Variants in COL16A1 observed in about 807,000 individuals in gnomAD.
COL16A1 encodes collagen alpha-1(XVI) chain.
In COL16A1, 189 loss-of-function variants were observed where a neutral mutation model predicts 266.3. The observed-to-expected ratio is 0.71, with a 90% CI of 0.63 to 0.80. COL16A1 has a LOEUF of 0.80. Ranked by LOEUF, COL16A1 falls within the 30% of genes least tolerant of loss-of-function variation. The pLI, the probability that COL16A1 is intolerant of heterozygous loss-of-function variation, is 0.00. For missense variants in COL16A1, 1,928 were observed against 2,122.4 expected, an observed-to-expected ratio of 0.91 and a Z score of 1.80; for synonymous variants, 740 against 782.3, an observed-to-expected ratio of 0.95 and a Z score of 0.90.
In COL16A1 at chr1:31,692,043, C is replaced by A. The variant is rs200545130; in HGVS notation, c.1219G>T (p.Gly407Ter). 1 of 1,613,748 alleles carries A rather than the reference C, an allele frequency of 6.2e-7. No individual in the cohort carries two copies. Among genetic ancestry groups the A allele is most frequent in the East Asian group, 2.2e-5 (1 of 44,888 alleles). ...EKGQKGEKGD[G>*]GIKGVPGKPG... is the part of the protein sequence containing the mutation. ...TTTCCCGGCACGCCCTTGATGCCTC[C>A]GTCGCCCTTCTCGCCTTTCTGGCCC... The change falls in exon 17 of 71, where the codon GGA becomes TGA. Residue 407 changes from glycine (G) to a stop codon, truncating the protein, a stop_gained. Transcript: ENST00000373672. LOFTEE classifies it high-confidence loss of function.
chr1:31,671,924 G>A (rs1483129997), intron 47 of COL16A1, among the ~76,000 whole-genome samples: 1 of 152,214 alleles, frequency 6.6e-6, no homozygotes, highest in African/African-American at 2.4e-5. Flanking sequence ...AAAAACCCCT[G>A]CCTCAAAGCA....
intron 42 of COL16A1, 138 bp from the exon 43 acceptor site, chr1:31,675,449 T>A (rs1025235968): frequency 7.6e-7 from 1 of 1,317,600 alleles, no homozygotes; most frequent in Admixed American, 2.0e-5. Context: ...AAGGCTGACA[T>A]CTATTCTTAG....
rs534502467 is a variant in COL16A1, at chr1:31,685,878, T to C, written c.1885-108A>G. On this transcript the variant is annotated intron_variant, in intron 28 of 70. Coordinates refer to ENST00000373672, the MANE Select transcript of COL16A1 (RefSeq NM_001856.4). The surrounding 1 kb of genome is among the most constrained non-coding windows in gnomAD (Gnocchi z 4.0). ...GTCACTGGGTCTGACACTGCACCTCTGCTGGGTGAGGGGTTATCTTGGGAA... is the reference window on the plus strand; with the variant it reads ...GTCACTGGGTCTGACACTGCACCTCCGCTGGGTGAGGGGTTATCTTGGGAA... The C allele has an allele frequency of 1.3e-6, 2 of 1,547,466 alleles. No individual in the cohort carries two copies. The highest frequency in any genetic ancestry group is 2.4e-5 in the South Asian group (2 of 82,384).
chr1:31,656,481 A>G lies in COL16A1; in HGVS notation c.4057-37T>C, dbSNP rs1371407342. ...CAAAAGTCAGAGGTGAAGTCCGGGC[A>G]GCATCTCTGAGGCTCCCTGGGGAGG... On this transcript the variant is annotated intron_variant, in intron 65 of 70. Transcript: ENST00000373672. The surrounding 1 kb of genome is among the most constrained non-coding windows in gnomAD (Gnocchi z 4.2). The G allele has an allele frequency of 6.2e-7, 1 of 1,606,860 alleles. No homozygotes were observed.
At chr1:31,692,332 G>T (rs1402465560) in intron 16 of COL16A1, 142 bp downstream of exon 16, 1 of 1,365,070 alleles carries the variant, frequency 7.3e-7, no homozygotes, top group Non-Finnish European at 9.9e-7. Context: ...TGACTGGGGT[G>T]GGGGAGATGG....
At chr1:31,675,683 A>G (rs1336586912) in intron 42 of COL16A1, among the ~76,000 whole-genome samples, 1 of 151,464 alleles carries the variant, frequency 6.6e-6, no homozygotes, top group African/African-American at 2.4e-5. Flanking sequence ...TTCTTTGTAG[A>G]GACGGGGTCT....
Position 31,685,607 on chromosome 1 carries a change from G to T in COL16A1, c.2016+32C>A. ...CTCCTTAGCCCCGCCTGCATCCCCCGTCCAGAGGCCCCTGCCTATATCCCA... is the reference window on the plus strand; with the variant it reads ...CTCCTTAGCCCCGCCTGCATCCCCCTTCCAGAGGCCCCTGCCTATATCCCA... On this transcript the variant is annotated intron_variant, in intron 29 of 70. Coordinates refer to ENST00000373672, the MANE Select transcript of COL16A1 (RefSeq NM_001856.4). The surrounding 1 kb of genome is among the most constrained non-coding windows in gnomAD (Gnocchi z 4.0). 1.4e-6 allele frequency: 2 copies of T among 1,386,610 alleles called. No homozygotes were observed. The highest frequency in any genetic ancestry group is 1.9e-6 in the Non-Finnish European group (2 of 1,037,878). 85.9% of individuals were successfully genotyped at this position (1,386,610 alleles called of 1,614,324 possible).
chr1:31,656,361 G>T lies in COL16A1; in HGVS notation c.4101+39C>A, dbSNP rs377423535. ...ACTTGCAGCTGGGCTTCATCCACTCGTGAGCTTCTCCTCTCAAGCCCAGCC... is the reference window on the plus strand; with the variant it reads ...ACTTGCAGCTGGGCTTCATCCACTCTTGAGCTTCTCCTCTCAAGCCCAGCC... On this transcript the variant is annotated intron_variant, in intron 66 of 70. Transcript: ENST00000373672. This position sits in a 1 kb window ranked among gnomAD's most constrained non-coding sequence, Gnocchi z 4.2. 4.0e-4 allele frequency: 648 copies of T among 1,610,752 alleles called. 7 individuals are homozygous for T. The South Asian group carries it at 6.9e-3, about 17-fold the overall frequency.
chr1:31,682,908 C>A (rs1326107477), intron 37 of COL16A1, 26 bp downstream of exon 37: 1 of 1,613,372 alleles, frequency 6.2e-7, no homozygotes, highest in Admixed American at 1.7e-5. Flanking sequence ...GCAACACCAC[C>A]AGCATGGAGC....
chr1:31,678,844 A>C (rs554188685), intron 42 of COL16A1, among the ~76,000 whole-genome samples: 2 of 152,306 alleles, frequency 1.3e-5, no homozygotes, highest in African/African-American at 4.8e-5. Flanking sequence ...CCGGGATTCA[A>C]GTTCAGGCTG....
Position 31,696,965 on chromosome 1 carries a change from C to T in COL16A1, c.862G>A (p.Glu288Lys), listed in dbSNP as rs1644529891. Residue 288 changes from glutamate (E) to lysine (K), a missense_variant and splice_region_variant, in exon 8 of 71, where the codon GAG becomes AAG. By Grantham distance (56) the Glu-to-Lys change is moderately conservative (BLOSUM62 1). Transcript: ENST00000373672. ...ATCCACCTGTCCTGCCCACCCACCT[C>T]GCTGTTTTGAGGCTCCTCCAGGCAG... ...CFCLEEPQNS[E>K]VDAQLTGRIS... 1.9e-6 allele frequency: 3 copies of T among 1,613,782 alleles called. No homozygotes were observed. Among genetic ancestry groups the T allele is most frequent in the African/African-American group, 1.3e-5 (1 of 74,932 alleles).
At chr1:31,679,989 C>T in intron 40 of COL16A1, 53 bp downstream of exon 40, 1 of 1,606,086 alleles carries the variant, frequency 6.2e-7, no homozygotes, top group Non-Finnish European at 8.5e-7. Flanking sequence ...CCAGACGAGG[C>T]TGAAGCTGGT....
chr1:31,692,891 AC>A, intron 13 of COL16A1, 83 bp from the exon 14 acceptor site: 1 of 1,348,550 alleles, frequency 7.4e-7, no homozygotes, highest in Non-Finnish European at 1.1e-6. Context: ...CGGCCCGGGA[AC>A]CCCATAGTCC....
At position 31,684,589 on chromosome 1, in the gene COL16A1, G is replaced by A. The variant is rs756980410; in HGVS notation, c.2094C>T (p.Thr698=). The change falls in exon 31 of 71, where the codon ACC becomes ACT. Residue 698 remains threonine, a synonymous_variant. Transcript: ENST00000373672. ...GNPGDPGTPG[T]TGRPGLSGEP... is the part of the protein sequence containing the mutation. ...CTCCTGACAGTCCTGGCCGCCCTGTGGTGCCCGGCGTTCCAGGGTCTCCAG... is the reference window on the plus strand; with the variant it reads ...CTCCTGACAGTCCTGGCCGCCCTGTAGTGCCCGGCGTTCCAGGGTCTCCAG... 6 of 1,613,880 alleles carry A rather than the reference G, an allele frequency of 3.7e-6. No homozygotes were observed. In the South Asian group the frequency reaches 6.6e-5, roughly 18 times the overall value.
At position 31,698,936 on chromosome 1, in the gene COL16A1, A is replaced by G. The variant is rs1170774508; in HGVS notation, c.267-330T>C. ...TGGTGAAACACCGTCTCTACTAAAAATACAAAAAATTCGCCAGGTGTAGTG... is the reference window on the plus strand; with the variant it reads ...TGGTGAAACACCGTCTCTACTAAAAGTACAAAAAATTCGCCAGGTGTAGTG... On this transcript the variant is annotated intron_variant, in intron 4 of 70. Transcript: ENST00000373672. This position sits in a 1 kb window ranked among gnomAD's most constrained non-coding sequence, Gnocchi z 4.1. Among the ~76,000 whole-genome samples the G allele has an allele frequency of 6.6e-6, 1 of 152,152 alleles. No homozygotes were observed. The highest frequency in any genetic ancestry group is 1.5e-5 in the Non-Finnish European group (1 of 68,028).
At chr1:31,676,459 A>G (rs1344432985) in intron 42 of COL16A1, among the ~76,000 whole-genome samples, 1 of 152,118 alleles carries the variant, frequency 6.6e-6, no homozygotes, top group Non-Finnish European at 1.5e-5. Context: ...TTCTAGCATC[A>G]TTCCTCAACA....
At chr1:31,673,238 G>T in intron 44 of COL16A1, 1 of 316,476 alleles carries the variant, frequency 3.2e-6, no homozygotes, top group South Asian at 2.6e-5. Context: ...GCCCAAGGGA[G>T]CAAAGGAACA....
At position 31,662,234 on chromosome 1, in the gene COL16A1, C is replaced by T. The variant is rs549308692; in HGVS notation, c.3681+100G>A. ...GGGCATGGGTGCCCCCTGACAAAGA[C>T]GGGGATACTTCGGTTCTTTCCATCA... is the stretch of plus-strand genomic sequence containing the variant. On this transcript the variant is annotated intron_variant, in intron 58 of 70. Transcript: ENST00000373672. 8.5e-5 allele frequency: 132 copies of T among 1,549,070 alleles called. No homozygotes were observed. The Admixed American group carries it at 1.9e-3, about 22-fold the overall frequency.
chr1:31,687,162 G>A (rs1345350804), intron 26 of COL16A1, among the ~76,000 whole-genome samples: 1 of 151,820 alleles, frequency 6.6e-6, no homozygotes, highest in Non-Finnish European at 1.5e-5. Context: ...AGGGTAGATC[G>A]CTTGAGGTCA....
Sources: allele counts gnomAD v4.1 joint callset (sites outside exome capture counted in the v4.1 genomes callset), GRCh38; gene constraint gnomAD v4.1.1; non-coding constraint Gnocchi (gnomAD v3.1); transcripts MANE v1.5; gene names NCBI Gene and HGNC (gene_info 2026-07-23, HGNC 2026-07-21).